The following TRIM71 variants were observed in gnomAD, a reference collection of about 807,000 sequenced individuals.
The protein encoded by TRIM71 is tripartite motif containing 71.
TRIM71 carries 9 observed loss-of-function variants against 61.2 expected under a neutral mutation model. That is an observed-to-expected ratio of 0.15 (90% CI 0.09 to 0.26). The LOEUF (loss-of-function observed/expected upper bound fraction) is 0.26. Among genes scored for constraint, TRIM71 ranks in the 10% least tolerant of loss-of-function variants. The pLI is 1.00. For missense variants in TRIM71, 998 were observed against 1,238.7 expected, an observed-to-expected ratio of 0.81 and a Z score of 2.92; for synonymous variants, 645 against 553.2, an observed-to-expected ratio of 1.17 and a Z score of -2.33.
chr3:32,841,283 C>T (rs960267953), intron 1 of TRIM71, among the ~76,000 whole-genome samples: 3 of 151,910 alleles, frequency 2.0e-5, no homozygotes, highest in African/African-American at 7.3e-5. Context: ...GAGCCAGGCA[C>T]AGGGGAAATG....
rs1169655528 is a variant in TRIM71 at position 32,894,500 on chromosome 3, G to A, written c.*2689G>A. 1 of 152,324 alleles carries A rather than the reference G, an allele frequency of 6.6e-6. No individual in the cohort carries two copies. The highest frequency in any genetic ancestry group is 1.9e-4 in the East Asian group (1 of 5,194). The allele number at this position is 152,324 out of a possible 1,614,324, so 9.4% of individuals were successfully genotyped here. ...ACTAGAACTATCCCCTGAAATAGGTGTGTAGGTCAGAGATACTACCTCTTT... is the reference window on the plus strand; with the variant it reads ...ACTAGAACTATCCCCTGAAATAGGTATGTAGGTCAGAGATACTACCTCTTT... On this transcript the variant is annotated 3_prime_UTR_variant, in exon 4 of 4. Coordinates refer to ENST00000383763, the MANE Select transcript of TRIM71 (RefSeq NM_001039111.3).
At chr3:32,835,163 A>T (rs1696320905) in intron 1 of TRIM71, among the ~76,000 whole-genome samples, 1 of 152,196 alleles carries the variant, frequency 6.6e-6, no homozygotes, top group Non-Finnish European at 1.5e-5. Context: ...GTTGAGTTTC[A>T]GGCTCTGCTG....
At chr3:32,820,661 A>G (rs1250545501) in intron 1 of TRIM71, among the ~76,000 whole-genome samples, 1 of 152,216 alleles carries the variant, frequency 6.6e-6, no homozygotes, top group Non-Finnish European at 1.5e-5. Context: ...CCAGTTAAAG[A>G]TACACCTATA....
At chr3:32,831,799 A>C (rs1006149511) in intron 1 of TRIM71, among the ~76,000 whole-genome samples, 1 of 152,064 alleles carries the variant, frequency 6.6e-6, no homozygotes, top group African/African-American at 2.4e-5. Context: ...GGCCTCCCGA[A>C]GTTCTTGGGA....
rs148088521 is a variant in TRIM71 at position 32,866,148 on chromosome 3, G to A, written c.853-7670G>A. On this transcript the variant is annotated intron_variant, in intron 1 of 3. Coordinates refer to ENST00000383763, the MANE Select transcript of TRIM71 (RefSeq NM_001039111.3). ...ACATGACTTACTTTTAAAACATGAT[G>A]CTTCCAGGATTTTTGTTTTTTTTTT... Among the ~76,000 whole-genome samples, 221 of 151,528 alleles carry A rather than the reference G, an allele frequency of 1.5e-3. 1 individual carries two copies. Among genetic ancestry groups the A allele is most frequent in the Non-Finnish European group, 2.7e-3 (183 of 67,876 alleles).
chr3:32,854,786 T>C (rs1696577716), intron 1 of TRIM71, among the ~76,000 whole-genome samples: 1 of 152,258 alleles, frequency 6.6e-6, no homozygotes, highest in Non-Finnish European at 1.5e-5. Flanking sequence ...AAGCCGTTAT[T>C]TCCTTCCTTC....
At chr3:32,881,286 TG>T (rs1696904644) in intron 2 of TRIM71, among the ~76,000 whole-genome samples, 1 of 152,156 alleles carries the variant, frequency 6.6e-6, no homozygotes, top group African/African-American at 2.4e-5. Flanking sequence ...CCAAGAGTGT[TG>T]GGATTACAGG....
chr3:32,888,438 A>C (rs920503191), intron 3 of TRIM71, among the ~76,000 whole-genome samples: 1 of 794 alleles, frequency 1.3e-3, no homozygotes, highest in African/African-American at 2.0e-3. Flanking sequence ...CTCTACCAAA[A>C]AAAAAAAAAA....
At chr3:32,872,089 G>A (rs1453935115) in intron 1 of TRIM71, among the ~76,000 whole-genome samples, 1 of 152,200 alleles carries the variant, frequency 6.6e-6, no homozygotes, top group Non-Finnish European at 1.5e-5. Flanking sequence ...AGAGCTTGCA[G>A]TGAGCCGAGA....
At chr3:32,857,425 G>A (rs1207383942) in intron 1 of TRIM71, among the ~76,000 whole-genome samples, 2 of 152,154 alleles carry the variant, frequency 1.3e-5, no homozygotes, top group Non-Finnish European at 2.9e-5. Flanking sequence ...TTTTTAGCAA[G>A]CAATTTTTTT....
intron 1 of TRIM71, among the ~76,000 whole-genome samples, chr3:32,828,935 G>A (rs1464026672): frequency 6.6e-6 from 1 of 151,908 alleles, no homozygotes; most frequent in Non-Finnish European, 1.5e-5. Context: ...ATCCTCCTAT[G>A]TCAGTCTCCT....
At chr3:32,889,535 T>C (rs543892600) in intron 3 of TRIM71, among the ~76,000 whole-genome samples, 2 of 150,584 alleles carry the variant, frequency 1.3e-5, no homozygotes, top group African/African-American at 4.9e-5. Context: ...TCTCCAGATT[T>C]ACTGATTATG....
At chr3:32,823,571 AC>A (rs765669057) in intron 1 of TRIM71, among the ~76,000 whole-genome samples, 9 of 152,224 alleles carry the variant, frequency 5.9e-5, no homozygotes, top group African/African-American at 1.4e-4. Context: ...GGGGAAAAAA[AC>A]GTTACTTTTT....
intron 1 of TRIM71, among the ~76,000 whole-genome samples, chr3:32,834,609 C>T (rs1575343372): frequency 6.6e-6 from 1 of 151,928 alleles, no homozygotes; most frequent in Non-Finnish European, 1.5e-5. Flanking sequence ...GGTGGGAGGC[C>T]GAGGCGGGTG....
intron 2 of TRIM71, among the ~76,000 whole-genome samples, chr3:32,874,579 G>A (rs1379733665): frequency 2.0e-5 from 3 of 152,008 alleles, no homozygotes; most frequent in African/African-American, 7.2e-5. Flanking sequence ...CTGGAGTGCA[G>A]TGGCACGATC....
chr3:32,874,084 G>C (rs1037452837), intron 2 of TRIM71, 99 bp downstream of exon 2: 6 of 1,311,092 alleles, frequency 4.6e-6, no homozygotes, highest in Non-Finnish European at 5.2e-6. Flanking sequence ...AGTGTGGGGG[G>C]TGGAATAGTG....
At chr3:32,872,962 T>G (rs1266946585) in intron 1 of TRIM71, among the ~76,000 whole-genome samples, 1 of 152,152 alleles carries the variant, frequency 6.6e-6, no homozygotes, top group Non-Finnish European at 1.5e-5. Flanking sequence ...TGTGGAGAGA[T>G]ACAGTAATGA....
At chr3:32,861,410 G>A (rs1041973715) in intron 1 of TRIM71, among the ~76,000 whole-genome samples, 5 of 149,682 alleles carry the variant, frequency 3.3e-5, no homozygotes, top group East Asian at 2.2e-4. Context: ...GGGATTACAG[G>A]CATGAGCCAC....
At chr3:32,837,479 A>G (rs999923315) in intron 1 of TRIM71, among the ~76,000 whole-genome samples, 3 of 152,164 alleles carry the variant, frequency 2.0e-5, no homozygotes, top group Non-Finnish European at 4.4e-5. Flanking sequence ...GGAAAGTTGC[A>G]ATGTCTTGAT....
Sources: gnomAD v4.1 joint callset for allele counts (sites outside exome capture counted in the v4.1 genomes callset) on GRCh38, gnomAD v4.1.1 for gene constraint, MANE v1.5 for transcripts, NCBI Gene and HGNC (gene_info 2026-07-23, HGNC 2026-07-21) for gene names.